Variants in RAB40A observed in about 807,000 individuals in gnomAD.
The protein encoded by RAB40A is RAB40A, member RAS oncogene family, also known as ras-related protein Rab-40A.
For missense variants in RAB40A, 145 were observed against 230.2 expected, an observed-to-expected ratio of 0.63 and a Z score of 2.40; for synonymous variants, 65 against 99.9, an observed-to-expected ratio of 0.65 and a Z score of 2.08.
intron 2 of RAB40A, among the ~76,000 whole-genome samples, chrX:103,505,700 T>C (rs1243306821): frequency 8.9e-6 from 1 of 111,920 alleles, no homozygotes; most frequent in African/African-American, 3.2e-5. Flanking sequence ...ATATAAAATC[T>C]TTCACTCTGT....
intron 2 of RAB40A, among the ~76,000 whole-genome samples, chrX:103,506,430 A>G (rs1266325080): frequency 8.9e-6 from 1 of 112,141 alleles, no homozygotes; most frequent in Non-Finnish European, 1.9e-5. Context: ...AAAAAAATAT[A>G]TGATTTAAGT....
chrX:103,504,682 C>T (rs1409046818), intron 2 of RAB40A, among the ~76,000 whole-genome samples: 1 of 110,796 alleles, frequency 9.0e-6, no homozygotes, highest in Non-Finnish European at 1.9e-5. Flanking sequence ...CCACCACACC[C>T]GACTAATTAT....
At position 103,504,345 on chromosome X, in the gene RAB40A, AAG is replaced by A. The variant is rs746927629; in HGVS notation, c.-70-3521_-70-3520del. ...ATCTAAAATAAAAGCTGAAACTTAA[AAG>A]AGAAGAACATTCTGCCTCCTATAAT... is the stretch of plus-strand genomic sequence containing the variant. On this transcript the variant is annotated intron_variant, in intron 2 of 2. Transcript: ENST00000304236. Among the ~76,000 whole-genome samples the A allele has an allele frequency of 1.7e-4, 18 of 108,525 alleles. No homozygotes were observed. In the South Asian group the frequency reaches 1.9e-3, roughly 12 times the overall value. 94.2% of individuals were successfully genotyped at this position (108,525 alleles called of 115,157 possible). A position where few individuals can be genotyped will look rare whatever the true frequency, so the allele number is the denominator to read the frequency against.
chrX:103,499,495 C>A lies in RAB40A; in HGVS notation c.*428G>T. The A allele has an allele frequency of 5.2e-6, 1 of 191,976 alleles. No individual in the cohort carries two copies. The highest frequency in any genetic ancestry group is 9.8e-6 in the Non-Finnish European group (1 of 102,549). The allele number at this position is 191,976 out of a possible 1,213,427, so 15.8% of individuals were successfully genotyped here. ...TTAAAAAGGAGGTTTACAAAAAGGC[C>A]CCTCTTGTACTATCGATGACTGAAT... On this transcript the variant is annotated 3_prime_UTR_variant, in exon 3 of 3. Transcript: ENST00000304236.
At position 103,499,300 on chromosome X, in the gene RAB40A, A is replaced by G. The variant is rs2073207647; in HGVS notation, c.*623T>C. The G allele has an allele frequency of 8.2e-6, 1 of 122,519 alleles. No homozygotes were observed. Among genetic ancestry groups the G allele is most frequent in the Non-Finnish European group, 1.8e-5 (1 of 54,292 alleles). The allele number at this position is 122,519 out of a possible 1,213,427, so 10.1% of individuals were successfully genotyped here. On this transcript the variant is annotated 3_prime_UTR_variant, in exon 3 of 3. Transcript: ENST00000304236. ...ATATCTTGTAGAACATCTCGTACAA[A>G]AAAAGTAGATTTACAGAAAAACATA...
intron 2 of RAB40A, among the ~76,000 whole-genome samples, chrX:103,516,280 G>A (rs1361174308): frequency 1.8e-5 from 2 of 111,669 alleles, no homozygotes; most frequent in Admixed American, 9.5e-5. Context: ...TTTTATGATA[G>A]TGTGAAAGTG....
At chrX:103,512,675 A>G (rs974010116) in intron 2 of RAB40A, among the ~76,000 whole-genome samples, 1 of 111,785 alleles carries the variant, frequency 8.9e-6, no homozygotes, top group African/African-American at 3.3e-5. Context: ...ATTTGTTAGC[A>G]TGAGTTGACC....
At chrX:103,502,470 C>T (rs780252806) in intron 2 of RAB40A, 14 of 124,416 alleles carry the variant, frequency 1.1e-4, no homozygotes, top group African/African-American at 4.5e-4. Context: ...CTTCAGCTCA[C>T]CTGTCCCAAG....
chrX:103,501,150 G>A (rs2073225367), intron 2 of RAB40A: 1 of 159,682 alleles, frequency 6.3e-6, no homozygotes. Flanking sequence ...CGTACCCTAT[G>A]CTGTGTATGA....
rs151089214 is a variant in RAB40A at position 103,500,746 on chromosome X, G to A, written c.11C>T (p.Pro4Leu). ...GTCATAGGCCTGGTCGGGGCTGCCC[G>A]GGGCGCTCATGGTGCTGGCCCCGCA... Reference protein sequence around the residue: MSAPGSPDQAYDFL... With the variant: MSALGSPDQAYDFL... The change falls in exon 3 of 3, where the codon CCG becomes CTG. Residue 4 changes from proline to leucine, a missense_variant. Pro to Leu is a moderately conservative substitution (Grantham distance 98). Coordinates refer to ENST00000304236, the MANE Select transcript of RAB40A (RefSeq NM_080879.3). 5.8e-6 allele frequency: 7 copies of A among 1,207,764 alleles called. No homozygotes were observed. The highest frequency in any genetic ancestry group is 1.8e-5 in the African/African-American group (1 of 57,136).
Position 103,499,634 on chromosome X carries a change from T to G in RAB40A, c.*289A>C. On this transcript the variant is annotated 3_prime_UTR_variant, in exon 3 of 3. Coordinates refer to ENST00000304236, the MANE Select transcript of RAB40A (RefSeq NM_080879.3). Reference sequence around the variant, plus strand: ...AAAAAGTTGCAGCGTGATTATGATATAAGTAACATTCAAAATTTCACGTTA... The same window carrying G: ...AAAAAGTTGCAGCGTGATTATGATAGAAGTAACATTCAAAATTTCACGTTA... 1 of 403,163 alleles carries G rather than the reference T, an allele frequency of 2.5e-6. No individual in the cohort carries two copies. The highest frequency in any genetic ancestry group is 4.4e-5 in the East Asian group (1 of 22,651). 33.2% of individuals were successfully genotyped at this position (403,163 alleles called of 1,213,427 possible).
intron 2 of RAB40A, among the ~76,000 whole-genome samples, chrX:103,509,764 C>T (rs1234797207): frequency 9.5e-6 from 1 of 104,714 alleles, no homozygotes; most frequent in African/African-American, 3.5e-5. Context: ...GTTTTTTCAT[C>T]ATGAGCAGTT....
chrX:103,494,135 G>A (rs957041255), downstream of RAB40A, among the ~76,000 whole-genome samples: 46 of 111,759 alleles, frequency 4.1e-4, no homozygotes, highest in African/African-American at 1.5e-3. Flanking sequence ...TTTTAACTGG[G>A]GTGAGATGAT....
chrX:103,515,471 G>A (rs2073312107), intron 2 of RAB40A, among the ~76,000 whole-genome samples: 1 of 111,857 alleles, frequency 8.9e-6, no homozygotes, highest in South Asian at 3.7e-4. Flanking sequence ...TAAGTCTTTT[G>A]AGGAAGGGAA....
rs2073234941 is a variant in RAB40A, at chrX:103,502,695, G to A, written c.-70-1869C>T. On this transcript the variant is annotated intron_variant, in intron 2 of 2. Coordinates refer to ENST00000304236, the MANE Select transcript of RAB40A (RefSeq NM_080879.3). ...AGCCCTGGAAGCCCATCTTCTAAAA[G>A]GGGGTGCTCAGGGTCCTTTAGGGAG... is the stretch of plus-strand genomic sequence containing the variant. 19 of 762,109 alleles carry A rather than the reference G, an allele frequency of 2.5e-5. No homozygotes were observed. The South Asian group carries it at 1.2e-3, about 47-fold the overall frequency. The allele number at this position is 762,109 out of a possible 1,213,427, so 62.8% of individuals were successfully genotyped here.
rs1409548356 is a variant in RAB40A, at chrX:103,500,776, C to T, written c.-20G>A. 5.0e-6 allele frequency: 6 copies of T among 1,201,893 alleles called. No individual in the cohort carries two copies. The highest frequency in any genetic ancestry group is 3.6e-5 in the South Asian group (2 of 55,107). On this transcript the variant is annotated 5_prime_UTR_variant, in exon 3 of 3. Coordinates refer to ENST00000304236, the MANE Select transcript of RAB40A (RefSeq NM_080879.3). ...GCTCATGGTGCTGGCCCCGCACTCC[C>T]GCCTGAGCCAGGCCCGCGGGGTTGT...
chrX:103,503,881 A>G (rs1378153311), intron 2 of RAB40A, among the ~76,000 whole-genome samples: 1 of 111,927 alleles, frequency 8.9e-6, no homozygotes, highest in Non-Finnish European at 1.9e-5. Context: ...ACATGCAAAT[A>G]CCCTGTCAAA....
At chrX:103,493,679 G>T in the RAB40A span, among the ~76,000 whole-genome samples, 1 of 112,039 alleles carries the variant, frequency 8.9e-6, no homozygotes, top group East Asian at 2.8e-4. Context: ...GTGAGAACAT[G>T]CAATGTTTGT....
Position 103,500,654 on chromosome X carries a change from G to A in RAB40A, c.103C>T (p.Gln35Ter). The change falls in exon 3 of 3, where the codon CAG becomes TAG. Residue 35 changes from glutamine to a stop codon, truncating the protein, a stop_gained. Coordinates refer to ENST00000304236, the MANE Select transcript of RAB40A (RefSeq NM_080879.3). LOFTEE classifies it low-confidence loss of function (END_TRUNC). Reference protein sequence around the residue: ...VGKSEILESLQDGAAESPYSH... With the variant: ...VGKSEILESL ...TACGGGGACTCAGCTGCACCATCCT[G>A]CAGGCTCTCCAGGATCTCACTCTTG... The A allele has an allele frequency of 3.3e-6, 4 of 1,210,634 alleles. No homozygotes were observed. The highest frequency in any genetic ancestry group is 4.5e-6 in the Non-Finnish European group (4 of 895,171).
Sources: gnomAD v4.1 joint callset for allele counts (sites outside exome capture counted in the v4.1 genomes callset) on GRCh38, gnomAD v4.1.1 for gene constraint, MANE v1.5 for transcripts, NCBI Gene and HGNC (gene_info 2026-07-23, HGNC 2026-07-21) for gene names.